NLN: variants seen among roughly 807,000 people sequenced by gnomAD.
The protein encoded by NLN is neurolysin.
A neutral mutation model predicts 79.9 loss-of-function variants in NLN; 64 were observed. The observed-to-expected ratio is 0.80, with a 90% CI of 0.65 to 0.99. The LOEUF (loss-of-function observed/expected upper bound fraction) is 0.99. NLN is among the 50% of genes least tolerant of loss of function. NLN has a pLI of 0.00. For missense variants in NLN, 835 were observed against 858.7 expected (o/e 0.97, Z 0.34); for synonymous variants, 267 against 296.6 (o/e 0.90, Z 1.02).
Position 65,722,412 on chromosome 5 carries a change from C to CA in NLN, c.40dup (p.Arg14LysfsTer45). 1 of 1,588,706 alleles carries CA rather than the reference C, an allele frequency of 6.3e-7. No homozygotes were observed. Among genetic ancestry groups the CA allele is most frequent in the Non-Finnish European group, 8.6e-7 (1 of 1,168,990 alleles). On this transcript the variant is annotated frameshift_variant and splice_region_variant, in exon 1 of 13. Transcript: ENST00000380985. LOFTEE classifies it high-confidence loss of function. The stretch of plus-strand genomic sequence containing the variant: ...GCCTTTTGGCTGTGCGAAGCCTCCG[C>CA]AGGTACCTCCAGCGCGCGGGTTAAC...
intron 6 of NLN, among the ~76,000 whole-genome samples, chr5:65,782,019 G>A (rs1397225970): frequency 4.6e-5 from 7 of 152,062 alleles, no homozygotes; most frequent in South Asian, 4.1e-4. Flanking sequence ...AAGAATAACC[G>A]CACTGAAAAG....
intron 12 of NLN, among the ~76,000 whole-genome samples, chr5:65,814,491 G>A (rs1198020203): frequency 2.6e-5 from 4 of 151,998 alleles, no homozygotes; most frequent in African/African-American, 9.7e-5. Context: ...TTAATTGAAG[G>A]TCTCACTCAC....
chr5:65,807,227 C>T (rs1165612560), intron 9 of NLN, among the ~76,000 whole-genome samples: 1 of 151,304 alleles, frequency 6.6e-6, no homozygotes, highest in African/African-American at 2.4e-5. Flanking sequence ...AGGAAATTGC[C>T]ACAGCCATGC....
rs766840617 is a variant in NLN at position 65,722,381 on chromosome 5, C to T, written c.8C>T (p.Ala3Val). Residue 3 changes from alanine to valine, a missense_variant, in exon 1 of 13, where the codon GCC becomes GTC. Physicochemically the swap from Ala to Val is moderately conservative, Grantham distance 64. Transcript: ENST00000380985. MI[A>V]RCLLAVRSLR... The stretch of plus-strand genomic sequence containing the variant: ...CAGCCTCTCAGCGCTCCCATGATCG[C>T]CCGGTGCCTTTTGGCTGTGCGAAGC... 4.0e-5 allele frequency: 63 copies of T among 1,587,504 alleles called. No individual in the cohort carries two copies. Among genetic ancestry groups the T allele is most frequent in the Non-Finnish European group, 1.3e-5 (15 of 1,168,980 alleles).
rs138020006 is a variant in NLN, at chr5:65,754,208, A to T, written c.42-4359A>T. On this transcript the variant is annotated intron_variant, in intron 1 of 12. Transcript: ENST00000380985. Reference sequence around the variant, plus strand: ...TACAATTAGTTGATCTATGGGCTCTATGGTGTCTTTAAATATTTGGTTTCC... The same window carrying T: ...TACAATTAGTTGATCTATGGGCTCTTTGGTGTCTTTAAATATTTGGTTTCC... Among the ~76,000 whole-genome samples the T allele has an allele frequency of 2.3e-3, 351 of 152,304 alleles. 1 individual carries two copies. Among genetic ancestry groups the T allele is most frequent in the South Asian group, 0.012 (58 of 4,826 alleles).
Position 65,798,955 on chromosome 5 carries a change from A to G in NLN, c.1527+6300A>G, listed in dbSNP as rs1418599630. On this transcript the variant is annotated intron_variant, in intron 9 of 12. Transcript: ENST00000380985. Reference sequence around the variant, plus strand: ...GAGTGCAGTGGCACAATCATGGCTCACTGTAGCCTCCACCTCTCCAGGCTC... The same window carrying G: ...GAGTGCAGTGGCACAATCATGGCTCGCTGTAGCCTCCACCTCTCCAGGCTC... 3.9e-5 allele frequency among the ~76,000 whole-genome samples: 6 copies of G among 152,308 alleles called. No homozygotes were observed. In the East Asian group the frequency reaches 1.2e-3, roughly 29 times the overall value.
rs1758797553 is a variant in NLN at position 65,738,931 on chromosome 5, T to TATATAAATATATA, written c.41+16522_41+16523insAATATATAATATA. Among the ~76,000 whole-genome samples the TATATAAATATATA allele has an allele frequency of 3.1e-3, 310 of 99,272 alleles. 5 individuals carry two copies. Among genetic ancestry groups the TATATAAATATATA allele is most frequent in the African/African-American group, 0.011 (290 of 27,602 alleles). 65.1% of individuals were successfully genotyped at this position (99,272 alleles called of 152,430 possible). ...GCCACCTATGATATATATGTGTGTA[T>TATATAAATATATA]ATATATTTTTTATATATGTTTATAT... is the stretch of plus-strand genomic sequence containing the variant. On this transcript the variant is annotated intron_variant, in intron 1 of 12. Transcript: ENST00000380985.
intron 1 of NLN, 150 bp from the exon 2 acceptor site, chr5:65,758,417 T>C: frequency 2.0e-6 from 1 of 499,154 alleles, no homozygotes; most frequent in Non-Finnish European, 3.5e-6. Context: ...GGCACTTAGT[T>C]TTGTGCATAT....
chr5:65,807,871 T>C (rs1760451959), intron 9 of NLN, among the ~76,000 whole-genome samples: 1 of 152,228 alleles, frequency 6.6e-6, no homozygotes, highest in Non-Finnish European at 1.5e-5. Context: ...TTCACTTCAT[T>C]GCAGTGGTCT....
intron 1 of NLN, 121 bp downstream of exon 1, chr5:65,722,535 C>G: frequency 1.1e-6 from 1 of 917,144 alleles, no homozygotes; most frequent in Non-Finnish European, 1.6e-6. Flanking sequence ...CGGGACGCAC[C>G]CTCCCCGCGG....
intron 1 of NLN, chr5:65,722,676 C>G: frequency 6.0e-6 from 3 of 500,944 alleles, no homozygotes; most frequent in Non-Finnish European, 1.1e-5. Flanking sequence ...CGAGGCTGGT[C>G]ACAGACGCGG....
chr5:65,767,276 C>T (rs1210495116), intron 3 of NLN, among the ~76,000 whole-genome samples: 2 of 152,158 alleles, frequency 1.3e-5, no homozygotes, highest in African/African-American at 4.8e-5. Context: ...CCTCTGAAAT[C>T]TAGGAGGTTC....
Position 65,785,863 on chromosome 5 carries a change from T to A in NLN, c.911T>A (p.Leu304His), listed in dbSNP as rs1221602568. 1 of 1,613,708 alleles carries A rather than the reference T, an allele frequency of 6.2e-7. No individual in the cohort carries two copies. The highest frequency in any genetic ancestry group is 1.3e-5 in the African/African-American group (1 of 74,890). Residue 304 changes from leucine (L) to histidine (H), a missense_variant, in exon 7 of 13, where the codon CTT (leucine) becomes CAT (histidine). Leu to His is a moderately conservative substitution (Grantham distance 99). Transcript: ENST00000380985. The part of the protein sequence containing the change: ...LGYSTHADFV[L>H]EMNTAKSTSR... ...TATAGCACACATGCTGACTTCGTCC[T>A]TGAAATGAACACTGCAAAGAGCACA... is the stretch of plus-strand genomic sequence containing the variant.
intron 8 of NLN, among the ~76,000 whole-genome samples, chr5:65,788,827 C>G (rs909297233): frequency 4.6e-5 from 7 of 152,058 alleles, no homozygotes; most frequent in Admixed American, 3.9e-4. Context: ...CAAAAATTAG[C>G]CAGGTGTAGT....
intron 9 of NLN, among the ~76,000 whole-genome samples, chr5:65,794,116 C>A (rs1470387873): frequency 6.6e-6 from 1 of 151,960 alleles, no homozygotes; most frequent in African/African-American, 2.4e-5. Context: ...TGGAAGTAAC[C>A]CTGAATGGAG....
At position 65,747,622 on chromosome 5, in the gene NLN, C is replaced by T. The variant is rs778045225; in HGVS notation, c.42-10945C>T. On this transcript the variant is annotated intron_variant, in intron 1 of 12. Coordinates refer to ENST00000380985, the MANE Select transcript of NLN (RefSeq NM_020726.5). ...TACCATGAGGGGCCTCACATGTGTA[C>T]GGATGCCCCCACCTATATGTCCAAA... 7.9e-5 allele frequency among the ~76,000 whole-genome samples: 12 copies of T among 152,230 alleles called. 1 individual carries two copies. The South Asian group carries it at 8.3e-4, about 11-fold the overall frequency.
intron 1 of NLN, among the ~76,000 whole-genome samples, chr5:65,752,251 T>A (rs1423878868): frequency 1.3e-5 from 2 of 151,082 alleles, no homozygotes; most frequent in East Asian, 3.9e-4. Context: ...AAAAAAAAAA[T>A]TCACAAAGGT....
intron 7 of NLN, among the ~76,000 whole-genome samples, chr5:65,787,906 T>TA (rs1440740997): frequency 6.6e-6 from 1 of 152,176 alleles, no homozygotes; most frequent in Non-Finnish European, 1.5e-5. Context: ...GCTAGGACCA[T>TA]AAAATCAATA....
chr5:65,770,423 T>C (rs1249257656), intron 3 of NLN, among the ~76,000 whole-genome samples: 5 of 152,204 alleles, frequency 3.3e-5, no homozygotes, highest in Non-Finnish European at 7.3e-5. Context: ...GAAAAGATGT[T>C]CAATTTTATT....
Sources: allele counts gnomAD v4.1 joint callset (sites outside exome capture counted in the v4.1 genomes callset), GRCh38; gene constraint gnomAD v4.1.1; transcripts MANE v1.5; gene names NCBI Gene and HGNC (gene_info 2026-07-23, HGNC 2026-07-21).